Variants in MAN2A1 observed in about 807,000 individuals in gnomAD.
MAN2A1 encodes the protein mannosidase alpha class 2A member 1.
Under a neutral mutation model 142.6 loss-of-function variants are expected in MAN2A1, and 76 were observed. The observed-to-expected ratio is 0.53, with a 90% CI of 0.44 to 0.65. The LOEUF (loss-of-function observed/expected upper bound fraction) is 0.65, where lower values mean the gene tolerates loss of function less well. MAN2A1 is among the 30% of genes least tolerant of loss of function. The pLI is 0.00. For missense variants in MAN2A1, 1,311 were observed against 1,365.1 expected (o/e 0.96, Z 0.62); for synonymous variants, 559 against 473.2 (o/e 1.18, Z -2.35).
intron 12 of MAN2A1, among the ~76,000 whole-genome samples, chr5:109,810,965 T>C (rs1427889015): frequency 6.6e-6 from 1 of 150,846 alleles, no homozygotes; most frequent in Non-Finnish European, 1.5e-5. Flanking sequence ...TCTGTTGATT[T>C]ATAAGAGCAC....
At chr5:109,740,134 A>G (rs1012830185) in intron 4 of MAN2A1, among the ~76,000 whole-genome samples, 1 of 152,148 alleles carries the variant, frequency 6.6e-6, no homozygotes, top group African/African-American at 2.4e-5. Context: ...ATCAGTTTGT[A>G]TTGCTTGCAA....
chr5:109,772,103 T>G (rs1399035538), intron 7 of MAN2A1, among the ~76,000 whole-genome samples: 1 of 152,178 alleles, frequency 6.6e-6, no homozygotes, highest in Non-Finnish European at 1.5e-5. Context: ...TTTTTCTTTT[T>G]AAACTTCTTG....
At chr5:109,776,507 A>G (rs1753296900) in intron 8 of MAN2A1, among the ~76,000 whole-genome samples, 2 of 152,130 alleles carry the variant, frequency 1.3e-5, no homozygotes, top group South Asian at 4.1e-4. Flanking sequence ...TTTGGTTCAT[A>G]GAAGCATCTG....
intron 13 of MAN2A1, 67 bp downstream of exon 13, chr5:109,817,505 A>G: frequency 1.4e-6 from 2 of 1,471,096 alleles, no homozygotes; most frequent in Non-Finnish European, 1.9e-6. Context: ...TAATTTGTGT[A>G]TGTACAGTAG....
At chr5:109,694,645 A>C (rs1750762131) in intron 1 of MAN2A1, among the ~76,000 whole-genome samples, 2 of 146,246 alleles carry the variant, frequency 1.4e-5, no homozygotes, top group East Asian at 2.2e-4. Flanking sequence ...CACTGCTCCC[A>C]GTTGCCTTTT....
intron 4 of MAN2A1, among the ~76,000 whole-genome samples, chr5:109,742,339 G>A (rs12656571): frequency 0.18 from 26,691 of 152,122 alleles, 3,295 homozygotes; most frequent in East Asian, 0.64. Context: ...CTGAGATGAA[G>A]GTACCATCAG....
intron 16 of MAN2A1, among the ~76,000 whole-genome samples, chr5:109,836,289 T>A (rs566922618): frequency 2.6e-5 from 4 of 151,500 alleles, no homozygotes; most frequent in African/African-American, 9.7e-5. Flanking sequence ...TTTGTGGGGT[T>A]TTTTTTTAGT....
At chr5:109,851,200 A>G (rs1187150467) in intron 19 of MAN2A1, among the ~76,000 whole-genome samples, 3 of 152,250 alleles carry the variant, frequency 2.0e-5, no homozygotes, top group African/African-American at 7.2e-5. Context: ...CTTGGATGAT[A>G]TCCACTGTGT....
Position 109,855,299 on chromosome 5 carries a change from A to G in MAN2A1, c.3136A>G (p.Ile1046Val). Residue 1046 changes from isoleucine to valine, a missense_variant, in exon 20 of 22, where the codon ATT (isoleucine) becomes GTT (valine). Transcript: ENST00000261483. ...SPLQSSLPCDIHLVNLRTIQS... is the reference protein window; with the variant it reads ...SPLQSSLPCDVHLVNLRTIQS... ...ATTACAGTCATCTTTGCCTTGTGACATTCATCTGGTTAATTTGAGAACAAT... is the reference window on the plus strand; with the variant it reads ...ATTACAGTCATCTTTGCCTTGTGACGTTCATCTGGTTAATTTGAGAACAAT... The G allele has an allele frequency of 3.8e-6, 6 of 1,599,166 alleles. No homozygotes were observed. Among genetic ancestry groups the G allele is most frequent in the Non-Finnish European group, 5.1e-6 (6 of 1,175,374 alleles).
chr5:109,752,894 G>C (rs1357708465), intron 4 of MAN2A1, among the ~76,000 whole-genome samples: 2 of 152,160 alleles, frequency 1.3e-5, no homozygotes, highest in Non-Finnish European at 2.9e-5. Flanking sequence ...ATTAGTTACT[G>C]TATATACTGT....
At chr5:109,840,126 T>TC (rs1755162962) in intron 16 of MAN2A1, 1 of 185,446 alleles carries the variant, frequency 5.4e-6, no homozygotes, top group Admixed American at 5.8e-5. Context: ...TAGCCAGAAA[T>TC]CATTTGTTCC....
At chr5:109,807,891 AT>A (rs1254019557) in intron 12 of MAN2A1, among the ~76,000 whole-genome samples, 1 of 152,172 alleles carries the variant, frequency 6.6e-6, no homozygotes, top group Admixed American at 6.5e-5. Flanking sequence ...ACTTGAAGCT[AT>A]CTACTTCGCC....
At chr5:109,809,353 C>T (rs1260244554) in intron 12 of MAN2A1, among the ~76,000 whole-genome samples, 4 of 151,734 alleles carry the variant, frequency 2.6e-5, no homozygotes, top group Non-Finnish European at 4.4e-5. Flanking sequence ...TCTTTGTGCT[C>T]TTCATTTTTC....
chr5:109,822,352 A>G (rs1328777303), intron 15 of MAN2A1, among the ~76,000 whole-genome samples: 3 of 152,136 alleles, frequency 2.0e-5, no homozygotes, highest in African/African-American at 4.8e-5. Flanking sequence ...TAGTTGTGCT[A>G]TAGAATTTCA....
rs368320564 is a variant in MAN2A1 at position 109,865,176 on chromosome 5, G to C, written c.3282+30G>C. 11 of 1,483,180 alleles carry C rather than the reference G, an allele frequency of 7.4e-6. No homozygotes were observed. In the African/African-American group the frequency reaches 1.4e-4, roughly 19 times the overall value. The allele number at this position is 1,483,180 out of a possible 1,614,324, so 91.9% of individuals were successfully genotyped here. ...GTTGAAAAGGTTATTTTTGCTTACT[G>C]TTAGTGTGCTTTGAAATCCTCTTTC... is the stretch of plus-strand genomic sequence containing the variant. On this transcript the variant is annotated intron_variant, in intron 21 of 21. Coordinates refer to ENST00000261483, the MANE Select transcript of MAN2A1 (RefSeq NM_002372.4).
At chr5:109,720,035 T>C (rs1457113347) in intron 3 of MAN2A1, among the ~76,000 whole-genome samples, 1 of 152,196 alleles carries the variant, frequency 6.6e-6, no homozygotes, top group Non-Finnish European at 1.5e-5. Flanking sequence ...CATGTTGTAT[T>C]TAATAAGCTG....
At chr5:109,853,174 AG>A (rs1755526535) in intron 19 of MAN2A1, among the ~76,000 whole-genome samples, 3 of 152,134 alleles carry the variant, frequency 2.0e-5, no homozygotes, top group African/African-American at 7.2e-5. Flanking sequence ...TAAAAGGTAA[AG>A]TTTATCTTTT....
intron 3 of MAN2A1, among the ~76,000 whole-genome samples, chr5:109,721,095 A>G (rs1217998945): frequency 6.6e-6 from 1 of 152,168 alleles, no homozygotes; most frequent in East Asian, 1.9e-4. Flanking sequence ...AACCCTGAAA[A>G]GTGGTAAATG....
intron 8 of MAN2A1, among the ~76,000 whole-genome samples, chr5:109,775,369 G>A (rs577296933): frequency 6.6e-6 from 1 of 152,040 alleles, no homozygotes; most frequent in Non-Finnish European, 1.5e-5. Flanking sequence ...AGATGCAGAT[G>A]AACATGTCAT....
Sources: allele counts gnomAD v4.1 joint callset (sites outside exome capture counted in the v4.1 genomes callset), GRCh38; gene constraint gnomAD v4.1.1; transcripts MANE v1.5; gene names NCBI Gene and HGNC (gene_info 2026-07-23, HGNC 2026-07-21).